HDAC9: variants seen among roughly 807,000 people sequenced by gnomAD.
HDAC9 encodes the protein histone deacetylase 9, also known as MEF-2 interacting transcription repressor (MITR) protein.
HDAC9 carries 41 observed loss-of-function variants against 139.4 expected under a neutral mutation model. The observed-to-expected ratio is 0.29, with a 90% CI of 0.23 to 0.38. HDAC9 has a LOEUF of 0.38. HDAC9 is among the 10% of genes least tolerant of loss of function. The pLI is 1.00. For synonymous variants in HDAC9, 517 were observed against 476.2 expected (o/e 1.09, Z -1.12); for missense variants, 1,147 against 1,297.0 (o/e 0.88, Z 1.78).
intron 1 of HDAC9, among the ~76,000 whole-genome samples, chr7:18,381,678 A>C (rs1167661315): frequency 6.6e-6 from 1 of 152,166 alleles, no homozygotes; most frequent in African/African-American, 2.4e-5. Flanking sequence ...TGCTGAAATA[A>C]TATGAAGAAA....
At chr7:18,728,412 C>CAT (rs1785735627) in intron 13 of HDAC9, among the ~76,000 whole-genome samples, 1 of 123,590 alleles carries the variant, frequency 8.1e-6, no homozygotes, top group Non-Finnish European at 1.5e-5. Context: ...AACACACACA[C>CAT]ACACACACAC....
At chr7:18,159,796 A>T (rs1175896722) in intron 1 of HDAC9, among the ~76,000 whole-genome samples, 2 of 152,228 alleles carry the variant, frequency 1.3e-5, no homozygotes, top group African/African-American at 2.4e-5. Flanking sequence ...ATTTTCATTA[A>T]AAGAGTATTC....
chr7:18,754,390 C>T (rs937074179), intron 14 of HDAC9, among the ~76,000 whole-genome samples: 1 of 152,010 alleles, frequency 6.6e-6, no homozygotes, highest in Non-Finnish European at 1.5e-5. Flanking sequence ...GAGGTTGACC[C>T]ATCATCTGTT....
intron 1 of HDAC9, among the ~76,000 whole-genome samples, chr7:18,378,699 A>G (rs1448510845): frequency 4.6e-5 from 7 of 152,160 alleles, no homozygotes; most frequent in Admixed American, 2.6e-4. Flanking sequence ...ATGTTTATGT[A>G]TATGCATAGT....
At chr7:18,228,492 C>G (rs968957879) in intron 2 of HDAC9, among the ~76,000 whole-genome samples, 1 of 152,094 alleles carries the variant, frequency 6.6e-6, no homozygotes, top group Non-Finnish European at 1.5e-5. Flanking sequence ...TAGCAATATT[C>G]TAGAGAAAAA....
At chr7:18,753,874 A>ATACT (rs1788656621) in intron 14 of HDAC9, among the ~76,000 whole-genome samples, 1 of 152,066 alleles carries the variant, frequency 6.6e-6, no homozygotes, top group Admixed American at 6.6e-5. Flanking sequence ...TACAGCTGTA[A>ATACT]TACTGTCTGA....
At chr7:18,805,670 A>G (rs573509285) in intron 17 of HDAC9, among the ~76,000 whole-genome samples, 6 of 152,342 alleles carry the variant, frequency 3.9e-5, no homozygotes, top group Admixed American at 6.5e-5. Context: ...CAGTGAGTGC[A>G]TGACGCATCT....
intron 1 of HDAC9, among the ~76,000 whole-genome samples, chr7:18,444,826 T>G (rs886960160): frequency 6.6e-6 from 1 of 152,258 alleles, no homozygotes; most frequent in African/African-American, 2.4e-5. Flanking sequence ...CTAAGCCTGT[T>G]CTTGACCATT....
intron 25 of HDAC9, among the ~76,000 whole-genome samples, chr7:18,982,636 C>CA (rs1785032780): frequency 6.6e-6 from 1 of 152,096 alleles, no homozygotes; most frequent in Non-Finnish European, 1.5e-5. Flanking sequence ...ACTTCCCAGT[C>CA]GGTGCCACTC....
chr7:18,255,072 A>T (rs1253688946), intron 2 of HDAC9, among the ~76,000 whole-genome samples: 1 of 152,190 alleles, frequency 6.6e-6, no homozygotes, highest in Non-Finnish European at 1.5e-5. Flanking sequence ...TATTTATATC[A>T]ACCTGTTAAT....
chr7:18,969,058 C>CCACACACACA (rs145223691), intron 24 of HDAC9, among the ~76,000 whole-genome samples: 1 of 147,434 alleles, frequency 6.8e-6, no homozygotes, highest in African/African-American at 2.5e-5. Flanking sequence ...GATGAAGTTG[C>CCACACACACA]CACACACACA....
chr7:18,960,701 G>A (rs569485998), intron 24 of HDAC9, among the ~76,000 whole-genome samples: 5 of 152,150 alleles, frequency 3.3e-5, no homozygotes, highest in African/African-American at 7.2e-5. Flanking sequence ...AAATAAGACC[G>A]TATTTTATGT....
At chr7:18,592,080 G>C (rs145131363) in intron 5 of HDAC9, among the ~76,000 whole-genome samples, 1 of 152,076 alleles carries the variant, frequency 6.6e-6, no homozygotes, top group Non-Finnish European at 1.5e-5. Context: ...ACTTGACTTG[G>C]TGTAAGATGG....
At chr7:18,345,237 T>C (rs1428018948) in intron 1 of HDAC9, among the ~76,000 whole-genome samples, 1 of 152,064 alleles carries the variant, frequency 6.6e-6, no homozygotes, top group African/African-American at 2.4e-5. Context: ...TAGATAATGC[T>C]GTGTCCTTGT....
chr7:18,757,823 T>A (rs1023283401), intron 14 of HDAC9, among the ~76,000 whole-genome samples: 2 of 152,166 alleles, frequency 1.3e-5, no homozygotes, highest in African/African-American at 4.8e-5. Context: ...ATTTCTTCTA[T>A]AATCGGGATG....
intron 1 of HDAC9, among the ~76,000 whole-genome samples, chr7:18,115,443 G>A (rs1218068371): frequency 2.0e-5 from 3 of 152,208 alleles, no homozygotes; most frequent in Non-Finnish European, 1.5e-5. Context: ...ACAAGTGCAT[G>A]AAAAGCCAAT....
chr7:18,889,158 T>C (rs1800448245), intron 22 of HDAC9, among the ~76,000 whole-genome samples: 1 of 152,194 alleles, frequency 6.6e-6, no homozygotes, highest in Non-Finnish European at 1.5e-5. Flanking sequence ...CTGGAAAATC[T>C]TTCTGTCTCT....
chr7:18,285,627 T>C (rs2128222012), upstream of HDAC9, among the ~76,000 whole-genome samples: 1 of 152,204 alleles, frequency 6.6e-6, no homozygotes, highest in East Asian at 1.9e-4. Context: ...CATTATCTAT[T>C]AGCATCAATG....
intron 12 of HDAC9, among the ~76,000 whole-genome samples, chr7:18,682,418 T>C (rs1781950362): frequency 6.6e-6 from 1 of 152,082 alleles, no homozygotes; most frequent in South Asian, 2.1e-4. Context: ...TAGAGCGTGA[T>C]ATTTCTGAGG....
Sources: gnomAD v4.1 joint callset for allele counts (sites outside exome capture counted in the v4.1 genomes callset) on GRCh38, gnomAD v4.1.1 for gene constraint, MANE v1.5 for transcripts, NCBI Gene and HGNC (gene_info 2026-07-23, HGNC 2026-07-21) for gene names.